The following ATXN2 variants were observed in gnomAD, a reference collection of about 807,000 sequenced individuals.
The protein encoded by ATXN2 is ataxin-2.
Under a neutral mutation model 138.6 loss-of-function variants are expected in ATXN2, and 37 were observed. That is an observed-to-expected ratio of 0.27 (90% CI 0.21 to 0.35). ATXN2 has a LOEUF of 0.35. Ranked by LOEUF, ATXN2 falls within the 10% of genes least tolerant of loss-of-function variation. The pLI, the probability that ATXN2 is intolerant of heterozygous loss-of-function variation, is 1.00. For missense variants in ATXN2, 1,216 were observed against 1,480.3 expected (o/e 0.82, Z 2.93); for synonymous variants, 549 against 543.7 (o/e 1.01, Z -0.13).
chr12:111,480,198 A>G (rs980224718), intron 18 of ATXN2, among the ~76,000 whole-genome samples: 4 of 152,316 alleles, frequency 2.6e-5, no homozygotes, highest in Admixed American at 6.5e-5. Context: ...ATGAGCAAAT[A>G]TATTTGTCAA....
At chr12:111,537,900 A>C (rs1881282483) in intron 5 of ATXN2, among the ~76,000 whole-genome samples, 1 of 152,156 alleles carries the variant, frequency 6.6e-6, no homozygotes, top group African/African-American at 2.4e-5. Flanking sequence ...GTTTGAGACC[A>C]GCCTGGGCAA....
Position 111,599,222 on chromosome 12 carries a change from C to T in ATXN2, c.-188G>A. 5 of 1,200,604 alleles carry T rather than the reference C, an allele frequency of 4.2e-6. No homozygotes were observed. Among genetic ancestry groups the T allele is most frequent in the Non-Finnish European group, 4.1e-6 (4 of 968,722 alleles). The allele number at this position is 1,200,604 out of a possible 1,614,324, so 74.4% of individuals were successfully genotyped here. Reference sequence around the variant, plus strand: ...GACGACGAAGGGGCGGGGAGGCCCGCCGAGACCAAGGAGCCGCCGGGAGCC... The same window carrying T: ...GACGACGAAGGGGCGGGGAGGCCCGTCGAGACCAAGGAGCCGCCGGGAGCC... On this transcript the variant is annotated 5_prime_UTR_variant, in exon 1 of 25. Transcript: ENST00000673436.
rs771931304 is a variant in ATXN2, at chr12:111,518,263, C to T, written c.1151G>A (p.Arg384Lys). 2 of 1,604,208 alleles carry T rather than the reference C, an allele frequency of 1.2e-6. No homozygotes were observed. The highest frequency in any genetic ancestry group is 4.5e-5 in the East Asian group (2 of 44,700). Residue 384 changes from arginine to lysine, a missense_variant, in exon 9 of 25, where the codon AGA becomes AAA. Arg to Lys is a conservative substitution (Grantham distance 26). Coordinates refer to ENST00000673436, the MANE Select transcript of ATXN2 (RefSeq NM_001372574.1). ...AAAATACTTGCCTCCATTAACTACT[C>T]TTTGGTCTGAACCAGAATTCGGGTT... ...DFNPNSGSDQRVVNGGVPWPS... is the reference protein window; with the variant it reads ...DFNPNSGSDQKVVNGGVPWPS...
intron 18 of ATXN2, among the ~76,000 whole-genome samples, chr12:111,480,490 C>T (rs553100155): frequency 3.9e-4 from 59 of 152,242 alleles, no homozygotes; most frequent in Non-Finnish European, 7.6e-4. Context: ...GCCTGACCAA[C>T]ACGGTAAAAC....
In ATXN2 at chr12:111,453,219, T is replaced by G. The variant is rs922783679; in HGVS notation, c.3440-379A>C. On this transcript the variant is annotated intron_variant, in intron 24 of 24. Transcript: ENST00000673436. The surrounding 1 kb of genome is among the most constrained non-coding windows in gnomAD (Gnocchi z 5.4). ...AGCACAATCACAGGGCGCTCTCCCC[T>G]GTTCAGGGGCTGGGGCTAACGCTAC... The G allele has an allele frequency of 2.8e-6, 3 of 1,081,968 alleles. No homozygotes were observed. The highest frequency in any genetic ancestry group is 1.0e-4 in the Admixed American group (2 of 19,782). 67.0% of individuals were successfully genotyped at this position (1,081,968 alleles called of 1,614,324 possible).
At chr12:111,494,600 A>G (rs547169964) in intron 14 of ATXN2, among the ~76,000 whole-genome samples, 3 of 151,856 alleles carry the variant, frequency 2.0e-5, no homozygotes, top group South Asian at 4.2e-4. Context: ...TAAGTTTTGT[A>G]TTTTTAGTAG....
Position 111,552,619 on chromosome 12 carries a change from G to T in ATXN2, c.421-189C>A. 1 of 652,276 alleles carries T rather than the reference G, an allele frequency of 1.5e-6. No individual in the cohort carries two copies. The highest frequency in any genetic ancestry group is 2.4e-6 in the Non-Finnish European group (1 of 417,028). The allele number at this position is 652,276 out of a possible 1,614,324, so 40.4% of individuals were successfully genotyped here. ...CATTTAAAAATCCTCATATCTAAAT[G>T]TTTTTTGTTTCTATGGTTTGTCTTA... On this transcript the variant is annotated intron_variant, in intron 4 of 24. Coordinates refer to ENST00000673436, the MANE Select transcript of ATXN2 (RefSeq NM_001372574.1). This position sits in a 1 kb window ranked among gnomAD's most constrained non-coding sequence, Gnocchi z 4.1.
intron 1 of ATXN2, among the ~76,000 whole-genome samples, chr12:111,585,670 G>C (rs2135839021): frequency 6.6e-6 from 1 of 151,844 alleles, no homozygotes; most frequent in East Asian, 1.9e-4. Flanking sequence ...CCCGGTGTGT[G>C]ACCAATATCT....
intron 1 of ATXN2, among the ~76,000 whole-genome samples, chr12:111,558,039 T>C (rs1051252122): frequency 6.6e-6 from 1 of 152,200 alleles, no homozygotes; most frequent in African/African-American, 2.4e-5. Context: ...GTTACATCTT[T>C]GACTAATAAA....
intron 1 of ATXN2, among the ~76,000 whole-genome samples, chr12:111,582,873 T>G (rs1241706316): frequency 6.6e-6 from 1 of 152,084 alleles, no homozygotes; most frequent in Admixed American, 6.6e-5. Context: ...TTTCCCCATG[T>G]TAGGCAGGAC....
intron 14 of ATXN2, among the ~76,000 whole-genome samples, chr12:111,500,602 C>T (rs552133953): frequency 6.6e-6 from 1 of 152,160 alleles, no homozygotes. Flanking sequence ...AGGCCGGGCA[C>T]GGTGGCTCAC....
chr12:111,586,460 A>G (rs1361250797), intron 1 of ATXN2, among the ~76,000 whole-genome samples: 1 of 140,752 alleles, frequency 7.1e-6, no homozygotes, highest in Non-Finnish European at 1.5e-5. Flanking sequence ...ATCTCGGCTC[A>G]CTGCAACCTC....
At chr12:111,562,138 A>AG (rs1882726273) in intron 1 of ATXN2, among the ~76,000 whole-genome samples, 1 of 151,722 alleles carries the variant, frequency 6.6e-6, no homozygotes, top group Non-Finnish European at 1.5e-5. Flanking sequence ...AAAAAAAAAA[A>AG]GAAAATATGC....
At chr12:111,593,441 A>G (rs1447902422) in intron 1 of ATXN2, among the ~76,000 whole-genome samples, 1 of 152,092 alleles carries the variant, frequency 6.6e-6, no homozygotes, top group African/African-American at 2.4e-5. Flanking sequence ...AAATAGCTAC[A>G]ATATGAGTTA....
chr12:111,588,538 C>T (rs902404520), intron 1 of ATXN2, among the ~76,000 whole-genome samples: 1 of 151,576 alleles, frequency 6.6e-6, no homozygotes, highest in Non-Finnish European at 1.5e-5. Flanking sequence ...AGAAAAATCG[C>T]TTTAACCTGG....
Position 111,473,440 on chromosome 12 carries a change from C to T in ATXN2, c.2525-2698G>A, listed in dbSNP as rs574843366. Among the ~76,000 whole-genome samples the T allele has an allele frequency of 5.9e-5, 9 of 152,238 alleles. No homozygotes were observed. The South Asian group carries it at 1.9e-3, about 32-fold the overall frequency. ...ATGATTAACATTTTAAATTACTTTTCCTAAGAAAGCTATACCTCAGGGTAA... is the reference window on the plus strand; with the variant it reads ...ATGATTAACATTTTAAATTACTTTTTCTAAGAAAGCTATACCTCAGGGTAA... On this transcript the variant is annotated intron_variant, in intron 18 of 24. Coordinates refer to ENST00000673436, the MANE Select transcript of ATXN2 (RefSeq NM_001372574.1).
chr12:111,459,080 T>C (rs1875363012), intron 21 of ATXN2, among the ~76,000 whole-genome samples: 1 of 152,254 alleles, frequency 6.6e-6, no homozygotes, highest in African/African-American at 2.4e-5. Flanking sequence ...GCTTTGTTTA[T>C]ACACTGGGAA....
chr12:111,508,466 A>C (rs1465746950), intron 14 of ATXN2, among the ~76,000 whole-genome samples: 2 of 48,376 alleles, frequency 4.1e-5, no homozygotes, highest in Non-Finnish European at 6.9e-5. Context: ...TTTTTTTTTG[A>C]GATGCAGTCT....
chr12:111,546,594 T>C (rs1247932902), intron 5 of ATXN2, among the ~76,000 whole-genome samples: 4 of 151,252 alleles, frequency 2.6e-5, no homozygotes, highest in African/African-American at 7.3e-5. Flanking sequence ...CATAGTTGAG[T>C]TGGAGTAAAG....
Sources: gnomAD v4.1 joint callset for allele counts (sites outside exome capture counted in the v4.1 genomes callset) on GRCh38, gnomAD v4.1.1 for gene constraint, Gnocchi (gnomAD v3.1) non-coding constraint, MANE v1.5 for transcripts, NCBI Gene and HGNC (gene_info 2026-07-23, HGNC 2026-07-21) for gene names.